KCNN4: variants seen among roughly 807,000 people sequenced by gnomAD.
KCNN4 encodes intermediate conductance calcium-activated potassium channel protein 4.
KCNN4 carries 31 observed loss-of-function variants against 45.2 expected under a neutral mutation model. That is an observed-to-expected ratio of 0.69 (90% CI 0.52 to 0.92). The LOEUF (loss-of-function observed/expected upper bound fraction) is 0.92. KCNN4 is among the 40% of genes least tolerant of loss of function. The pLI is 0.00. For missense variants in KCNN4, 463 were observed against 574.0 expected (o/e 0.81, Z 1.98); for synonymous variants, 231 against 254.6 (o/e 0.91, Z 0.88).
chr19:43,775,898 G>A (rs1451980891), intron 2 of KCNN4, among the ~76,000 whole-genome samples: 2 of 152,008 alleles, frequency 1.3e-5, no homozygotes, highest in Non-Finnish European at 2.9e-5. Flanking sequence ...AGGACAAGGT[G>A]GGCAGACTGC....
intron 4 of KCNN4, among the ~76,000 whole-genome samples, chr19:43,771,137 G>C (rs1293195025): frequency 6.6e-6 from 1 of 152,142 alleles, no homozygotes; most frequent in East Asian, 1.9e-4. Context: ...GAGGGGGCCA[G>C]GGCTGGGTGG....
chr19:43,766,914 A>C lies in KCNN4; in HGVS notation c.*179T>G, dbSNP rs11351. The C allele has an allele frequency of 0.3, 46,410 of 153,836 alleles. 8,170 individuals are homozygous for C. Among genetic ancestry groups the C allele is most frequent in the African/African-American group, 0.5 (20,762 of 41,382 alleles). The allele number at this position is 153,836 out of a possible 1,614,324, so 9.5% of individuals were successfully genotyped here. On this transcript the variant is annotated 3_prime_UTR_variant, in exon 9 of 9. Coordinates refer to ENST00000648319, the MANE Select transcript of KCNN4 (RefSeq NM_002250.3). ...TGGGGCCTCAGGTGGGCCAAGGCCT[A>C]CCCACTTTAGCCAGCGTCCCCTCCA...
rs755630411 is a variant in KCNN4 at position 43,780,887 on chromosome 19, C to T, written c.-26G>A. 3.7e-6 allele frequency: 6 copies of T among 1,611,520 alleles called. No individual in the cohort carries two copies. The African/African-American group carries it at 8.0e-5, about 22-fold the overall frequency. ...GGCCCCCGGGGTCTTGGGGCTCAGC[C>T]AGCTTCCTGCCCAGGGTCCCCCACC... On this transcript the variant is annotated 5_prime_UTR_variant, in exon 1 of 9. Coordinates refer to ENST00000648319, the MANE Select transcript of KCNN4 (RefSeq NM_002250.3).
rs1319449204 is a variant in KCNN4 at position 43,769,899 on chromosome 19, C to T, written c.820-70G>A. On this transcript the variant is annotated intron_variant, in intron 4 of 8. Coordinates refer to ENST00000648319, the MANE Select transcript of KCNN4 (RefSeq NM_002250.3). This position sits in a 1 kb window ranked among gnomAD's most constrained non-coding sequence, Gnocchi z 4.4. ...TCCCTCCTTGAACCCGCCCAACAGC[C>T]ACAGACGGTAGGCACGACCATCCCC... 7.6e-6 allele frequency: 8 copies of T among 1,057,290 alleles called. No homozygotes were observed. Among genetic ancestry groups the T allele is most frequent in the Non-Finnish European group, 1.0e-5 (7 of 702,872 alleles). 65.5% of individuals were successfully genotyped at this position (1,057,290 alleles called of 1,614,324 possible).
In KCNN4 at chr19:43,772,944, A is replaced by G. The variant is rs2146450825; in HGVS notation, c.684-809T>C. Among the ~76,000 whole-genome samples the G allele has an allele frequency of 6.6e-6, 1 of 152,196 alleles. No homozygotes were observed. The highest frequency in any genetic ancestry group is 1.5e-5 in the Non-Finnish European group (1 of 68,008). ...TTCAATTGAGAAACATGGTGGGGGG[A>G]TCATTCATTAATCCTGATTCTGACC... On this transcript the variant is annotated intron_variant, in intron 3 of 8. Coordinates refer to ENST00000648319, the MANE Select transcript of KCNN4 (RefSeq NM_002250.3). The surrounding 1 kb of genome is among the most constrained non-coding windows in gnomAD (Gnocchi z 4.4).
chr19:43,770,385 C>A, intron 4 of KCNN4, among the ~76,000 whole-genome samples: 1 of 152,150 alleles, frequency 6.6e-6, no homozygotes, highest in African/African-American at 2.4e-5. Context: ...ATGCTGCCTG[C>A]CCTCCCTGAG....
rs1555725487 is a variant in KCNN4, at chr19:43,777,685, T to TC, written c.160-1050dup. Among the ~76,000 whole-genome samples, 3 of 151,838 alleles carry TC rather than the reference T, an allele frequency of 2.0e-5. No individual in the cohort carries two copies. The East Asian group carries it at 5.8e-4, about 29-fold the overall frequency. On this transcript the variant is annotated intron_variant, in intron 1 of 8. Coordinates refer to ENST00000648319, the MANE Select transcript of KCNN4 (RefSeq NM_002250.3). ...GAGAAATTGTTCCTTTTTTTTTTTTTCCTCTCTTTGTGTGGCACAACCTTG... is the reference window on the plus strand; with the variant it reads ...GAGAAATTGTTCCTTTTTTTTTTTTTCCCTCTCTTTGTGTGGCACAACCTTG...
rs1316347327 is a variant in KCNN4 at position 43,774,026 on chromosome 19, T to C, written c.683+166A>G. Among the ~76,000 whole-genome samples the C allele has an allele frequency of 1.3e-5, 2 of 152,130 alleles. No individual in the cohort carries two copies. Among genetic ancestry groups the C allele is most frequent in the African/African-American group, 4.8e-5 (2 of 41,418 alleles). The stretch of plus-strand genomic sequence containing the variant: ...GTCTGTTGGTTCCTCTCACCCCAGT[T>C]GATGGGAGTGTGGGCAAATTTCAGC... On this transcript the variant is annotated intron_variant, in intron 3 of 8. Coordinates refer to ENST00000648319, the MANE Select transcript of KCNN4 (RefSeq NM_002250.3). The surrounding 1 kb of genome is among the most constrained non-coding windows in gnomAD (Gnocchi z 5.6).
At chr19:43,777,310 T>TGTGTGTGTGTGTGG (rs1555725385) in intron 1 of KCNN4, among the ~76,000 whole-genome samples, 17 of 148,766 alleles carry the variant, frequency 1.1e-4, no homozygotes, top group African/African-American at 4.2e-4. Context: ...TGTGTGTGTG[T>TGTGTGTGTGTGTGG]GTGTGTGTGT....
Position 43,769,527 on chromosome 19 carries a change from C to T in KCNN4, c.964G>A (p.Ala322Thr), listed in dbSNP as rs1969581392. 1.2e-6 allele frequency: 2 copies of T among 1,614,080 alleles called. No homozygotes were observed. Among genetic ancestry groups the T allele is most frequent in the African/African-American group, 2.7e-5 (2 of 74,914 alleles). The part of the protein sequence containing the change: ...KESAARVLQE[A>T]WMFYKHTRRK... ...CGAGTATGTTTGTAGAACATCCAGGCTTCTTGTAGCACTCGGGCAGCGGAC... is the reference window on the plus strand; with the variant it reads ...CGAGTATGTTTGTAGAACATCCAGGTTTCTTGTAGCACTCGGGCAGCGGAC... The change falls in exon 6 of 9, where the codon GCC (alanine) becomes ACC (threonine). Residue 322 changes from alanine (A) to threonine (T), a missense_variant. Ala to Thr is a moderately conservative substitution (Grantham distance 58, BLOSUM62 0). Coordinates refer to ENST00000648319, the MANE Select transcript of KCNN4 (RefSeq NM_002250.3). The surrounding 1 kb of genome is among the most constrained non-coding windows in gnomAD (Gnocchi z 4.4).
chr19:43,773,568 C>G (rs2146452291), intron 3 of KCNN4, among the ~76,000 whole-genome samples: 1 of 152,274 alleles, frequency 6.6e-6, no homozygotes, highest in Middle Eastern at 3.4e-3. Flanking sequence ...TTGCAAGTTC[C>G]CAGGTGATGC....
chr19:43,775,491 C>T (rs10410107), intron 2 of KCNN4, among the ~76,000 whole-genome samples: 1 of 152,100 alleles, frequency 6.6e-6, no homozygotes, highest in Admixed American at 6.5e-5. Flanking sequence ...GAAGCTGAGG[C>T]CCAGGTCCCT....
rs1969563133 is a variant in KCNN4 at position 43,769,171 on chromosome 19, G to T, written c.1050-139C>A. 1.0e-6 allele frequency: 1 copy of T among 955,004 alleles called. No individual in the cohort carries two copies. The highest frequency in any genetic ancestry group is 1.6e-6 in the Non-Finnish European group (1 of 608,262). The allele number at this position is 955,004 out of a possible 1,614,324, so 59.2% of individuals were successfully genotyped here. ...AGTTGTCGAAGAGCTGAAAGAGTGG[G>T]AGGGGATGCACCCTGCCTCCCCACG... On this transcript the variant is annotated intron_variant, in intron 6 of 8. Transcript: ENST00000648319. The surrounding 1 kb of genome is among the most constrained non-coding windows in gnomAD (Gnocchi z 4.4).
chr19:43,780,186 G>T (rs1264646901), intron 1 of KCNN4, among the ~76,000 whole-genome samples: 11 of 152,028 alleles, frequency 7.2e-5, no homozygotes, highest in Admixed American at 6.5e-4. Flanking sequence ...GCCTCCAGGG[G>T]TCCTGGACCT....
Position 43,769,322 on chromosome 19 carries a change from T to G in KCNN4, c.1049+120A>C. 16 of 798,792 alleles carry G rather than the reference T, an allele frequency of 2.0e-5. No individual in the cohort carries two copies. The highest frequency in any genetic ancestry group is 2.8e-5 in the Non-Finnish European group (13 of 470,412). 49.5% of individuals were successfully genotyped at this position (798,792 alleles called of 1,614,324 possible). A position where few individuals can be genotyped will look rare whatever the true frequency, so the allele number is the denominator to read the frequency against. On this transcript the variant is annotated intron_variant, in intron 6 of 8. Transcript: ENST00000648319. The surrounding 1 kb of genome is among the most constrained non-coding windows in gnomAD (Gnocchi z 4.4). Reference sequence around the variant, plus strand: ...ATCCAGGTGAGACCTGGATGTTGAGTGAGACCACACCTGGGTGTCCTGACC... The same window carrying G: ...ATCCAGGTGAGACCTGGATGTTGAGGGAGACCACACCTGGGTGTCCTGACC...
intron 1 of KCNN4, chr19:43,776,851 A>G (rs531024835): frequency 5.3e-4 from 262 of 497,184 alleles, no homozygotes; most frequent in African/African-American, 4.4e-3. Context: ...TAATCCCAAC[A>G]CTCTGGGAGG....
At position 43,767,526 on chromosome 19, in the gene KCNN4, C is replaced by T; in HGVS notation, c.*3+14G>A. The T allele has an allele frequency of 1.2e-6, 2 of 1,611,298 alleles. No individual in the cohort carries two copies. Among genetic ancestry groups the T allele is most frequent in the Non-Finnish European group, 1.7e-6 (2 of 1,178,934 alleles). Reference sequence around the variant, plus strand: ...CTCCAGGATGCCTTCCTGCCCAAGTCCCAGCCCCCTCACCAGCTACTTGGA... The same window carrying T: ...CTCCAGGATGCCTTCCTGCCCAAGTTCCAGCCCCCTCACCAGCTACTTGGA... On this transcript the variant is annotated intron_variant, in intron 8 of 8. Coordinates refer to ENST00000648319, the MANE Select transcript of KCNN4 (RefSeq NM_002250.3).
At chr19:43,776,456 G>A in intron 2 of KCNN4, 85 bp downstream of exon 2, 1 of 852,230 alleles carries the variant, frequency 1.2e-6, no homozygotes. Flanking sequence ...CTCAGATCAG[G>A]AGGAGGAGGA....
Position 43,772,019 on chromosome 19 carries a change from C to T in KCNN4, c.800G>A (p.Cys267Tyr), listed in dbSNP as rs772595966. The T allele has an allele frequency of 3.1e-6, 5 of 1,612,230 alleles. No individual in the cohort carries two copies. In the South Asian group the frequency reaches 5.5e-5, roughly 18 times the overall value. The part of the protein sequence containing the change: ...VPGTMWGKIV[C>Y]LCTGVMGVCC... ...ACTCACCATGACTCCAGTGCACAGGCAGACGATCTTGCCCCACATGGTGCC... is the reference window on the plus strand; with the variant it reads ...ACTCACCATGACTCCAGTGCACAGGTAGACGATCTTGCCCCACATGGTGCC... The change falls in exon 4 of 9, where the codon TGC becomes TAC. Residue 267 changes from cysteine to tyrosine, a missense_variant. Cys to Tyr is a radical substitution (Grantham distance 194, BLOSUM62 -2). This residue lies in a region of KCNN4 where 109 missense variants were observed against 183.7 expected (regional missense o/e 0.59). Coordinates refer to ENST00000648319, the MANE Select transcript of KCNN4 (RefSeq NM_002250.3). This position sits in a 1 kb window ranked among gnomAD's most constrained non-coding sequence, Gnocchi z 4.4.
Sources: allele counts gnomAD v4.1 joint callset (sites outside exome capture counted in the v4.1 genomes callset), GRCh38; gene constraint gnomAD v4.1.1; regional missense constraint gnomAD v4.1.1; non-coding constraint Gnocchi (gnomAD v3.1); transcripts MANE v1.5; gene names NCBI Gene and HGNC (gene_info 2026-07-23, HGNC 2026-07-21).